The following TRAF3IP1 variants were observed in gnomAD, a reference collection of about 807,000 sequenced individuals.
TRAF3IP1 encodes intraflagellar transport 54.
In TRAF3IP1, 53 loss-of-function variants were observed where a neutral mutation model predicts 89.9. The ratio of observed to expected loss-of-function variants is 0.59; its 90% CI spans 0.47 to 0.74. TRAF3IP1 has a LOEUF of 0.74. Among genes scored for constraint, TRAF3IP1 ranks in the 30% least tolerant of loss-of-function variants. The pLI is 0.00. For synonymous variants in TRAF3IP1, 311 were observed against 322.1 expected (o/e 0.97, Z 0.37); for missense variants, 806 against 866.1 (o/e 0.93, Z 0.87).
At chr2:238,367,261 A>G (rs1489040043) in intron 15 of TRAF3IP1, among the ~76,000 whole-genome samples, 3 of 150,878 alleles carry the variant, frequency 2.0e-5, no homozygotes, top group Non-Finnish European at 2.9e-5. Context: ...GCCCCAGCTC[A>G]GTGGAGAGAA....
intron 9 of TRAF3IP1, 40 bp from the exon 10 acceptor site, chr2:238,347,415 A>G: frequency 6.2e-7 from 1 of 1,612,554 alleles, no homozygotes; most frequent in Non-Finnish European, 8.5e-7. Flanking sequence ...ATTGAGGTTG[A>G]CTACACGAAA....
rs569970789 is a variant in TRAF3IP1 at position 238,345,069 on chromosome 2, A to G, written c.1261+471A>G. ...TTAAAAAAACTTTGGTAAAATAGCC[A>G]TTCAATGTTTGTGTTTTGAGGCCTT... On this transcript the variant is annotated intron_variant, in intron 9 of 16. Transcript: ENST00000373327. This position sits in a 1 kb window ranked among gnomAD's most constrained non-coding sequence, Gnocchi z 4.7. 6.6e-6 allele frequency among the ~76,000 whole-genome samples: 1 copy of G among 152,316 alleles called. No homozygotes were observed. Among genetic ancestry groups the G allele is most frequent in the East Asian group, 1.9e-4 (1 of 5,186 alleles).
chr2:238,324,135 C>A (rs1204741755), intron 1 of TRAF3IP1, among the ~76,000 whole-genome samples: 1 of 151,938 alleles, frequency 6.6e-6, no homozygotes, highest in African/African-American at 2.4e-5. Context: ...TGGCATGATT[C>A]TGACTCACTC....
At chr2:238,353,440 G>A (rs539241551) in intron 14 of TRAF3IP1, among the ~76,000 whole-genome samples, 110 of 152,314 alleles carry the variant, frequency 7.2e-4, no homozygotes, top group Non-Finnish European at 1.5e-3. Context: ...ACAGTTGGAA[G>A]CTGGAAACTC....
chr2:238,377,871 A>G (rs1046214632), intron 15 of TRAF3IP1, among the ~76,000 whole-genome samples: 2 of 152,190 alleles, frequency 1.3e-5, no homozygotes, highest in Non-Finnish European at 2.9e-5. Flanking sequence ...TGTATTAATT[A>G]TGAGAGTATT....
intron 15 of TRAF3IP1, among the ~76,000 whole-genome samples, chr2:238,372,721 C>T (rs1374877434): frequency 4.6e-5 from 7 of 152,182 alleles, no homozygotes; most frequent in South Asian, 2.1e-4. Flanking sequence ...TCTTCCACAA[C>T]GGCTGAACTA....
chr2:238,379,476 G>A lies in TRAF3IP1; in HGVS notation c.1690-17983G>A, dbSNP rs956133318. 2.6e-5 allele frequency among the ~76,000 whole-genome samples: 4 copies of A among 152,204 alleles called. No individual in the cohort carries two copies. Among genetic ancestry groups the A allele is most frequent in the Admixed American group, 6.5e-5 (1 of 15,278 alleles). On this transcript the variant is annotated intron_variant, in intron 15 of 16. Transcript: ENST00000373327. The surrounding 1 kb of genome is among the most constrained non-coding windows in gnomAD (Gnocchi z 4.0). ...CACAGACACCTGCTCGTGTGAAGGC[G>A]GCAGCGTGGTGCCATCACTTGGGTA...
At chr2:238,387,693 G>A (rs1273386477) in intron 15 of TRAF3IP1, among the ~76,000 whole-genome samples, 1 of 152,168 alleles carries the variant, frequency 6.6e-6, no homozygotes, top group African/African-American at 2.4e-5. Context: ...TCCGTCAGTG[G>A]CAGAATGGAT....
At chr2:238,367,587 C>A (rs578218953) in intron 15 of TRAF3IP1, among the ~76,000 whole-genome samples, 2 of 152,332 alleles carry the variant, frequency 1.3e-5, no homozygotes, top group Admixed American at 1.3e-4. Flanking sequence ...CCTCGTGGGA[C>A]TGAGCTTTCT....
chr2:238,337,299 C>T (rs1480649132), intron 7 of TRAF3IP1, among the ~76,000 whole-genome samples: 1 of 152,090 alleles, frequency 6.6e-6, no homozygotes, highest in African/African-American at 2.4e-5. Context: ...GACATCTGGA[C>T]AGAGAGCTGA....
At chr2:238,372,789 A>G (rs1055734022) in intron 15 of TRAF3IP1, among the ~76,000 whole-genome samples, 1 of 152,186 alleles carries the variant, frequency 6.6e-6, no homozygotes. Flanking sequence ...CCTCTCCAGC[A>G]TCTGTTGTTT....
intron 8 of TRAF3IP1, among the ~76,000 whole-genome samples, chr2:238,340,364 A>G (rs1698584191): frequency 6.6e-6 from 1 of 152,134 alleles, no homozygotes; most frequent in African/African-American, 2.4e-5. Context: ...CTTCGAAGAA[A>G]AGTCCATGTT....
In TRAF3IP1 at chr2:238,379,449, G is replaced by A. The variant is rs190112930; in HGVS notation, c.1690-18010G>A. ...ACTCCTTATTCTGTCTGCCTTGGCA[G>A]CCACAGACACCTGCTCGTGTGAAGG... On this transcript the variant is annotated intron_variant, in intron 15 of 16. Transcript: ENST00000373327. This position sits in a 1 kb window ranked among gnomAD's most constrained non-coding sequence, Gnocchi z 4.0. Among the ~76,000 whole-genome samples, 41 of 152,360 alleles carry A rather than the reference G, an allele frequency of 2.7e-4. No individual in the cohort carries two copies. In the South Asian group the frequency reaches 5.0e-3, roughly 18 times the overall value.
chr2:238,329,771 A>G (rs1273884710), intron 5 of TRAF3IP1, among the ~76,000 whole-genome samples: 1 of 152,204 alleles, frequency 6.6e-6, no homozygotes. Flanking sequence ...TGGATTGAGC[A>G]TCCAGGCAAG....
chr2:238,385,325 G>A (rs112156409), intron 15 of TRAF3IP1, among the ~76,000 whole-genome samples: 27 of 152,226 alleles, frequency 1.8e-4, no homozygotes, highest in African/African-American at 5.8e-4. Flanking sequence ...CTGTAGCATC[G>A]TTTAAGTGTT....
chr2:238,340,212 T>TA (rs1698575696), intron 8 of TRAF3IP1, among the ~76,000 whole-genome samples: 1 of 152,228 alleles, frequency 6.6e-6, no homozygotes, highest in African/African-American at 2.4e-5. Context: ...TTGCAGGTGT[T>TA]ACCTTGCACT....
At chr2:238,370,201 G>C (rs935274372) in intron 15 of TRAF3IP1, among the ~76,000 whole-genome samples, 1 of 152,070 alleles carries the variant, frequency 6.6e-6, no homozygotes, top group Non-Finnish European at 1.5e-5. Flanking sequence ...GTATGTATGT[G>C]TGTATATATG....
At chr2:238,364,558 T>C (rs989129059) in intron 15 of TRAF3IP1, among the ~76,000 whole-genome samples, 1 of 152,136 alleles carries the variant, frequency 6.6e-6, no homozygotes, top group Non-Finnish European at 1.5e-5. Flanking sequence ...TCACTCACTT[T>C]AAAGTATTTA....
In TRAF3IP1 at chr2:238,357,977, G is replaced by A. The variant is rs142777664; in HGVS notation, c.1689+1897G>A. Among the ~76,000 whole-genome samples, 1,150 of 152,294 alleles carry A rather than the reference G, an allele frequency of 7.6e-3. 7 individuals carry two copies. Among genetic ancestry groups the A allele is most frequent in the Non-Finnish European group, 0.012 (807 of 68,028 alleles). On this transcript the variant is annotated intron_variant, in intron 15 of 16. Coordinates refer to ENST00000373327, the MANE Select transcript of TRAF3IP1 (RefSeq NM_015650.4). ...GCTGTTTTGAAAAAGAGTGGTCAGT[G>A]AGAACTTCAAAGTCAGGGTTGATGT...
Sources: gnomAD v4.1 joint callset for allele counts (sites outside exome capture counted in the v4.1 genomes callset) on GRCh38, gnomAD v4.1.1 for gene constraint, Gnocchi (gnomAD v3.1) non-coding constraint, MANE v1.5 for transcripts, NCBI Gene and HGNC (gene_info 2026-07-23, HGNC 2026-07-21) for gene names.